Variants in ATP5MG observed in about 807,000 individuals in gnomAD.
ATP5MG encodes ATP synthase membrane subunit g, also known as ATP synthase F(0) complex subunit g, mitochondrial.
Under a neutral mutation model 12.7 loss-of-function variants are expected in ATP5MG, and 7 were observed. That is an observed-to-expected ratio of 0.55 (90% confidence interval 0.31 to 1.04). The LOEUF (loss-of-function observed/expected upper bound fraction) is 1.04. Ranked by LOEUF, ATP5MG falls within the 50% of genes least tolerant of loss-of-function variation. The pLI, the probability that ATP5MG is intolerant of heterozygous loss-of-function variation, is 0.05. For missense variants in ATP5MG, 116 were observed against 126.7 expected, an observed-to-expected ratio of 0.92 and a Z score of 0.41; for synonymous variants, 53 against 48.2, an observed-to-expected ratio of 1.10 and a Z score of -0.41.
In ATP5MG at chr11:118,401,737, G is replaced by T; in HGVS notation, c.52+20G>T. ...TGAACGGTGAGCGCGATGTGAGACC[G>T]CCGAGGCGGGCACACGGGCGGCAGG... On this transcript the variant is annotated intron_variant, in intron 1 of 2. Coordinates refer to ENST00000300688, the MANE Select transcript of ATP5MG (RefSeq NM_006476.5). 6.2e-7 allele frequency: 1 copy of T among 1,606,946 alleles called. No individual in the cohort carries two copies. The highest frequency in any genetic ancestry group is 1.1e-5 in the South Asian group (1 of 90,742).
chr11:118,406,626 C>G (rs1565546675), intron 1 of ATP5MG: 1 of 276,594 alleles, frequency 3.6e-6, no homozygotes, highest in Non-Finnish European at 7.0e-6. Flanking sequence ...AGCATCTTTA[C>G]AGTTAGCTAG....
At chr11:118,402,627 A>C (rs1948937715) in intron 1 of ATP5MG, among the ~76,000 whole-genome samples, 1 of 152,130 alleles carries the variant, frequency 6.6e-6, no homozygotes, top group African/African-American at 2.4e-5. Flanking sequence ...ACTTCAAAAA[A>C]AATGTAATAC....
intron 1 of ATP5MG, among the ~76,000 whole-genome samples, chr11:118,402,898 C>T (rs1464090493): frequency 1.3e-5 from 2 of 151,820 alleles, no homozygotes; most frequent in Admixed American, 1.3e-4. Context: ...GGGATTTCAC[C>T]ATGTTGCCCA....
At chr11:118,404,386 A>T (rs1335283407) in intron 1 of ATP5MG, among the ~76,000 whole-genome samples, 3 of 152,018 alleles carry the variant, frequency 2.0e-5, no homozygotes, top group African/African-American at 7.3e-5. Flanking sequence ...TTTAGTTTCT[A>T]TGTCTTCCCA....
intron 1 of ATP5MG, among the ~76,000 whole-genome samples, chr11:118,403,508 T>G (rs1449072132): frequency 9.0e-6 from 1 of 110,798 alleles, no homozygotes; most frequent in East Asian, 2.6e-4. Context: ...AAAAAAAAAA[T>G]AATAATGCTG....
At chr11:118,402,323 A>G (rs1360907231) in intron 1 of ATP5MG, among the ~76,000 whole-genome samples, 3 of 152,146 alleles carry the variant, frequency 2.0e-5, no homozygotes, top group African/African-American at 4.8e-5. Context: ...CGTATAAACA[A>G]TAATCTTTGT....
intron 1 of ATP5MG, among the ~76,000 whole-genome samples, chr11:118,405,282 G>A (rs9666462): frequency 0.15 from 23,449 of 152,002 alleles, 2,380 homozygotes; most frequent in East Asian, 0.51. Context: ...ATGCATATAT[G>A]TATATATAAT....
intron 1 of ATP5MG, among the ~76,000 whole-genome samples, chr11:118,402,774 A>C (rs559623289): frequency 6.9e-6 from 1 of 144,180 alleles, no homozygotes; most frequent in African/African-American, 2.6e-5. Flanking sequence ...ATCACAGCTC[A>C]CTGCAGCCTC....
At chr11:118,402,748 C>T (rs1386659212) in intron 1 of ATP5MG, among the ~76,000 whole-genome samples, 21 of 145,164 alleles carry the variant, frequency 1.4e-4, no homozygotes, top group African/African-American at 5.1e-4. Context: ...GTCGCCCAGG[C>T]TGGAGTGCAG....
At chr11:118,407,934 G>A (rs1431088090) in intron 2 of ATP5MG, among the ~76,000 whole-genome samples, 7 of 152,180 alleles carry the variant, frequency 4.6e-5, no homozygotes, top group South Asian at 4.2e-4. Flanking sequence ...AGGCCGAGGC[G>A]GGCAGATCAC....
rs570107982 is a variant in ATP5MG at position 118,409,430 on chromosome 11, G to A, written c.*332G>A. On this transcript the variant is annotated 3_prime_UTR_variant, in exon 3 of 3. Coordinates refer to ENST00000300688, the MANE Select transcript of ATP5MG (RefSeq NM_006476.5). ...CCAGAACAGTGAGGGTTAGGTCTTG[G>A]GAAAACTATAACTTGCCAAAGTAGA... 14 of 155,214 alleles carry A rather than the reference G, an allele frequency of 9.0e-5. No homozygotes were observed. In the East Asian group the frequency reaches 2.0e-3, roughly 23 times the overall value. The allele number at this position is 155,214 out of a possible 1,614,324, so 9.6% of individuals were successfully genotyped here.
chr11:118,407,202 T>A, intron 2 of ATP5MG, 105 bp downstream of exon 2: 1 of 1,486,150 alleles, frequency 6.7e-7, no homozygotes, highest in Admixed American at 2.2e-5. Context: ...TGAGGCTGAA[T>A]CCAGCATAAT....
At chr11:118,406,819 C>T (rs1948975810) in intron 1 of ATP5MG, 118 bp from the exon 2 acceptor site, 5 of 1,434,392 alleles carry the variant, frequency 3.5e-6, no homozygotes, top group South Asian at 2.7e-5. Context: ...ACATTTGGTA[C>T]AAGCAGTGAA....
chr11:118,408,904 C>T, intron 2 of ATP5MG, 96 bp from the exon 3 acceptor site: 1 of 366,220 alleles, frequency 2.7e-6, no homozygotes, highest in Non-Finnish European at 4.2e-6. Flanking sequence ...TCTTTGTCTC[C>T]TTAATTCTGG....
In ATP5MG at chr11:118,407,778, G is replaced by A. The variant is rs1439209139; in HGVS notation, c.213+681G>A. Among the ~76,000 whole-genome samples, 8 of 151,526 alleles carry A rather than the reference G, an allele frequency of 5.3e-5. No individual in the cohort carries two copies. The East Asian group carries it at 1.4e-3, about 26-fold the overall frequency. The stretch of plus-strand genomic sequence containing the variant: ...TCCCAACTACTTGGGAGGCTGAGGC[G>A]AGAGGATCGCTTGAGCCCAGGAGTT... On this transcript the variant is annotated intron_variant, in intron 2 of 2. Transcript: ENST00000300688.
intron 1 of ATP5MG, among the ~76,000 whole-genome samples, chr11:118,404,395 C>T (rs1169314544): frequency 1.3e-5 from 2 of 152,122 alleles, no homozygotes; most frequent in Non-Finnish European, 2.9e-5. Context: ...TATGTCTTCC[C>T]AATCTCCTCT....
At chr11:118,403,176 C>T (rs1555131428) in intron 1 of ATP5MG, among the ~76,000 whole-genome samples, 1 of 152,194 alleles carries the variant, frequency 6.6e-6, no homozygotes, top group Non-Finnish European at 1.5e-5. Flanking sequence ...AGATACCTGT[C>T]ATAGAGCTCT....
At chr11:118,402,700 T>C (rs1457752029) in intron 1 of ATP5MG, among the ~76,000 whole-genome samples, 16 of 149,500 alleles carry the variant, frequency 1.1e-4, no homozygotes, top group Middle Eastern at 3.2e-3. Flanking sequence ...TTCTTTCTTT[T>C]TTTTTTTTTT....
At chr11:118,405,705 T>G (rs1948966431) in intron 1 of ATP5MG, 2 of 985,198 alleles carry the variant, frequency 2.0e-6, no homozygotes, top group Non-Finnish European at 2.4e-6. Context: ...TGTGTCTGCT[T>G]AAAGGTATGC....
Sources: allele counts gnomAD v4.1 joint callset (sites outside exome capture counted in the v4.1 genomes callset), GRCh38; gene constraint gnomAD v4.1.1; transcripts MANE v1.5; gene names NCBI Gene and HGNC (gene_info 2026-07-23, HGNC 2026-07-21).